RRP12: variants seen among roughly 807,000 people sequenced by gnomAD.
The protein encoded by RRP12 is RRP12-like protein.
RRP12 carries 78 observed loss-of-function variants against 157.3 expected under a neutral mutation model. That is an observed-to-expected ratio of 0.50 (90% CI 0.41 to 0.60). The LOEUF (loss-of-function observed/expected upper bound fraction) is 0.60. Ranked by LOEUF, RRP12 falls within the 20% of genes least tolerant of loss-of-function variation. RRP12 has a pLI of 0.00. For missense variants in RRP12, 1,521 were observed against 1,679.9 expected (o/e 0.91, Z 1.65); for synonymous variants, 726 against 670.9 (o/e 1.08, Z -1.27).
chr10:97,400,582 G>C, intron 1 of RRP12, 48 bp from the exon 2 acceptor site: 3 of 1,510,126 alleles, frequency 2.0e-6, no homozygotes, highest in Non-Finnish European at 2.7e-6. Flanking sequence ...TTTTGGTCAA[G>C]AGAACAGAAC....
intron 20 of RRP12, 177 bp from the exon 21 acceptor site, chr10:97,371,258 G>A (rs922064284): frequency 4.5e-6 from 3 of 670,736 alleles, no homozygotes; most frequent in Non-Finnish European, 7.6e-6. Flanking sequence ...CGAGGCACAG[G>A]GGTTGGGGGT....
chr10:97,390,446 A>G lies in RRP12; in HGVS notation c.730T>C (p.Phe244Leu). ...TLQVYHGLLS[F>L]TVHPKPKIRK... ...ACCTTGGGCTTGGGATGCACCGTGA[A>G]GCTCAGCAGCCCATGGTACACCTGA... The change falls in exon 6 of 34, where the codon TTC (phenylalanine) becomes CTC (leucine). Residue 244 changes from phenylalanine to leucine, a missense_variant. Physicochemically the swap from Phe to Leu is conservative, Grantham distance 22 (BLOSUM62 0). Coordinates refer to ENST00000370992, the MANE Select transcript of RRP12 (RefSeq NM_015179.4). 3 of 1,613,844 alleles carry G rather than the reference A, an allele frequency of 1.9e-6. No individual in the cohort carries two copies. Among genetic ancestry groups the G allele is most frequent in the Non-Finnish European group, 2.5e-6 (3 of 1,179,806 alleles).
At chr10:97,356,448 G>A (rs892040259), downstream of RRP12, 1 of 152,278 alleles carries the variant, frequency 6.6e-6, no homozygotes, top group Non-Finnish European at 1.5e-5. Context: ...CTTGTGCCCA[G>A]GACAGCTGGG....
chr10:97,400,879 T>G (rs1845126952), intron 1 of RRP12, among the ~76,000 whole-genome samples: 1 of 151,988 alleles, frequency 6.6e-6, no homozygotes, highest in South Asian at 2.1e-4. Context: ...ACACCCGCGG[T>G]ACCTTACACA....
Position 97,378,114 on chromosome 10 carries a change from G to A in RRP12, c.1798+1179C>T, listed in dbSNP as rs780175525. On this transcript the variant is annotated intron_variant, in intron 15 of 33. Transcript: ENST00000370992. ...AGAGAGAGGAGACCATGATCACGAA[G>A]GATAAGAAACTATGCCTGAAAGGAG... Among the ~76,000 whole-genome samples, 206 of 152,148 alleles carry A rather than the reference G, an allele frequency of 1.4e-3. 5 individuals are homozygous for A. The highest frequency in any genetic ancestry group is 3.2e-4 in the Non-Finnish European group (22 of 68,032).
In RRP12 at chr10:97,372,049, G is replaced by A. The variant is rs781769329; in HGVS notation, c.2343+24C>T. ...ATCTGCCCCCAAGCGTGGCTGTGTG[G>A]CGCTCCTGGCCCCCGAGGCTCACCT... On this transcript the variant is annotated intron_variant, in intron 20 of 33. Transcript: ENST00000370992. The A allele has an allele frequency of 5.7e-6, 9 of 1,570,712 alleles. No individual in the cohort carries two copies. The South Asian group carries it at 1.0e-4, about 18-fold the overall frequency.
rs377734639 is a variant in RRP12, at chr10:97,391,443, C to T, written c.531-599G>A. Among the ~76,000 whole-genome samples the T allele has an allele frequency of 8.5e-3, 1,301 of 152,170 alleles. 6 individuals carry two copies. The highest frequency in any genetic ancestry group is 0.012 in the South Asian group (56 of 4,828). ...AAAATTAGCTGGGCGTGATGGCGCC[C>T]GCCTGTAATCCCAGCTACTTGGGAG... On this transcript the variant is annotated intron_variant, in intron 4 of 33. Transcript: ENST00000370992.
intron 2 of RRP12, among the ~76,000 whole-genome samples, chr10:97,396,698 C>T (rs1286765270): frequency 2.0e-5 from 3 of 152,110 alleles, no homozygotes; most frequent in Non-Finnish European, 1.5e-5. Context: ...TACCAAAATC[C>T]GAGGATGCTC....
intron 3 of RRP12, among the ~76,000 whole-genome samples, chr10:97,394,139 G>A (rs913304097): frequency 3.3e-5 from 5 of 152,106 alleles, no homozygotes; most frequent in African/African-American, 1.2e-4. Context: ...TCAGGAGACC[G>A]AGACCATCCT....
At position 97,370,522 on chromosome 10, in the gene RRP12, C is replaced by T. The variant is rs751991399; in HGVS notation, c.2622G>A (p.Arg874=). ...CCACGAGCAGTGCAAAAGCGTTCTT[C>T]CGTGCGCCCACCGACACCTCCTTGG... ...LCTKEVSVGA[R]KNAFALLVEM... is the part of the protein sequence containing the mutation. Residue 874 remains arginine (R), a synonymous_variant, in exon 23 of 34, where the codon CGG becomes CGA. Coordinates refer to ENST00000370992, the MANE Select transcript of RRP12 (RefSeq NM_015179.4). 5.6e-6 allele frequency: 9 copies of T among 1,609,632 alleles called. No homozygotes were observed. The highest frequency in any genetic ancestry group is 1.7e-5 in the Admixed American group (1 of 59,216).
chr10:97,363,699 A>AGCCTTCTGG (rs1564748305), intron 30 of RRP12, among the ~76,000 whole-genome samples, 155 bp downstream of exon 30: 14 of 152,166 alleles, frequency 9.2e-5, no homozygotes, highest in Admixed American at 4.6e-4. Flanking sequence ...TGGCACCCAC[A>AGCCTTCTGG]ACCTTCTGGA....
At chr10:97,367,741 C>CT (rs552784471) in intron 25 of RRP12, among the ~76,000 whole-genome samples, 9 of 151,996 alleles carry the variant, frequency 5.9e-5, no homozygotes, top group Non-Finnish European at 1.2e-4. Flanking sequence ...ACGTCTACTC[C>CT]TTTTTTTTGA....
rs1270640095 is a variant in RRP12 at position 97,381,748 on chromosome 10, C to T, written c.1287G>A (p.Ser429=). The stretch of plus-strand genomic sequence containing the variant: ...TCTGCGTAGCAGCAGTCAGCACTTG[C>T]GAGTGTGGGGAAAGGAGGCAGGTCA... ...TAVTCLLSPH[S]QVLTAATQSL... Residue 429 remains serine, a synonymous_variant, in exon 11 of 34, where the codon TCG becomes TCA. Transcript: ENST00000370992. The T allele has an allele frequency of 2.9e-5, 47 of 1,614,124 alleles. 1 individual carries two copies. Among genetic ancestry groups the T allele is most frequent in the East Asian group, 4.5e-5 (2 of 44,886 alleles).
At chr10:97,372,244 G>T in intron 19 of RRP12, 78 bp from the exon 20 acceptor site, 1 of 1,118,198 alleles carries the variant, frequency 8.9e-7, no homozygotes, top group Non-Finnish European at 1.3e-6. Context: ...TACGTCTACT[G>T]GGTATGGGGA....
chr10:97,372,897 G>T, intron 18 of RRP12, 94 bp from the exon 19 acceptor site: 1 of 1,438,542 alleles, frequency 7.0e-7, no homozygotes, highest in Non-Finnish European at 9.6e-7. Context: ...CTCCCCATCA[G>T]CCCCCAGCCC....
intron 6 of RRP12, 146 bp downstream of exon 6, chr10:97,390,277 A>C: frequency 1.5e-6 from 1 of 677,382 alleles, no homozygotes. Context: ...TTCTGCATCT[A>C]AATGCATGGT....
chr10:97,391,639 C>T (rs1276825968), intron 4 of RRP12, among the ~76,000 whole-genome samples: 3 of 149,420 alleles, frequency 2.0e-5, no homozygotes, highest in Non-Finnish European at 3.0e-5. Flanking sequence ...AACATCATTT[C>T]GGCCGGACGC....
At chr10:97,368,300 AG>A in intron 25 of RRP12, among the ~76,000 whole-genome samples, 1 of 147,776 alleles carries the variant, frequency 6.8e-6, no homozygotes, top group South Asian at 2.2e-4. Context: ...CCAAAGTGCT[AG>A]GAATATAGGT....
chr10:97,371,107 G>A, intron 20 of RRP12, 26 bp from the exon 21 acceptor site: 1 of 1,610,098 alleles, frequency 6.2e-7, no homozygotes. Flanking sequence ...CGGTGAGGGA[G>A]GCCTGGGGCT....
Sources: allele counts gnomAD v4.1 joint callset (sites outside exome capture counted in the v4.1 genomes callset), GRCh38; gene constraint gnomAD v4.1.1; transcripts MANE v1.5; gene names NCBI Gene and HGNC (gene_info 2026-07-23, HGNC 2026-07-21).